The following TMEM164 variants were observed in gnomAD, a reference collection of about 807,000 sequenced individuals.
TMEM164 encodes transmembrane protein 164.
A neutral mutation model predicts 18.8 loss-of-function variants in TMEM164; 4 were observed. The observed-to-expected ratio is 0.21, with a 90% CI of 0.10 to 0.49. The LOEUF (loss-of-function observed/expected upper bound fraction) is 0.49. TMEM164 is among the 20% of genes least tolerant of loss of function. The probability of loss-of-function intolerance (pLI) is 0.98; values close to 1 mark genes in which losing one functional copy is unlikely to be tolerated. For missense variants in TMEM164, 108 were observed against 239.9 expected (o/e 0.45, Z 3.63); for synonymous variants, 86 against 101.7 (o/e 0.85, Z 0.93).
downstream of TMEM164, among the ~76,000 whole-genome samples, chrX:110,178,907 C>T (rs952430598): frequency 8.9e-6 from 1 of 112,337 alleles, no homozygotes; most frequent in Non-Finnish European, 1.9e-5. Flanking sequence ...CTCACATGCT[C>T]TCCACTCTCC....
At chrX:110,147,458 G>C (rs1300804316) in intron 5 of TMEM164, among the ~76,000 whole-genome samples, 1 of 111,573 alleles carries the variant, frequency 9.0e-6, no homozygotes, top group African/African-American at 3.3e-5. Flanking sequence ...ATGGGGCACA[G>C]AGCCTTCCTG....
chrX:110,048,596 G>A (rs777892593), intron 2 of TMEM164, among the ~76,000 whole-genome samples: 2 of 109,790 alleles, frequency 1.8e-5, no homozygotes, highest in South Asian at 7.9e-4. Flanking sequence ...CAGCTGTTTT[G>A]GAATTAGAAC....
At chrX:110,024,513 G>C (rs1258104195) in intron 2 of TMEM164, among the ~76,000 whole-genome samples, 1 of 111,766 alleles carries the variant, frequency 8.9e-6, no homozygotes, top group Non-Finnish European at 1.9e-5. Flanking sequence ...CGAACTTCTA[G>C]CCTCACGTGA....
At position 110,176,161 on chromosome X, in the gene TMEM164, C is replaced by G. The variant is rs1431009063; in HGVS notation, c.*2710C>G. Reference sequence around the variant, plus strand: ...AAGAGGGCAGTTTCCTTTCAAATGGCCTTAGGAAGGGAAAAGAGTACTCCC... The same window carrying G: ...AAGAGGGCAGTTTCCTTTCAAATGGGCTTAGGAAGGGAAAAGAGTACTCCC... On this transcript the variant is annotated 3_prime_UTR_variant, in exon 7 of 7. Transcript: ENST00000372068. The G allele has an allele frequency of 6.6e-6, 5 of 755,020 alleles. No homozygotes were observed. The highest frequency in any genetic ancestry group is 7.8e-6 in the Non-Finnish European group (5 of 639,362). 62.2% of individuals were successfully genotyped at this position (755,020 alleles called of 1,213,427 possible). A position where few individuals can be genotyped will look rare whatever the true frequency, so the allele number is the denominator to read the frequency against.
At chrX:110,085,445 A>G (rs1352854972) in intron 3 of TMEM164, among the ~76,000 whole-genome samples, 1 of 110,346 alleles carries the variant, frequency 9.1e-6, no homozygotes, top group African/African-American at 3.3e-5. Flanking sequence ...GAATAAAGGC[A>G]TGAGCCACCA....
At chrX:110,008,413 G>A (rs970933310) in intron 2 of TMEM164, among the ~76,000 whole-genome samples, 3 of 111,813 alleles carry the variant, frequency 2.7e-5, no homozygotes, top group African/African-American at 9.8e-5. Flanking sequence ...TGGAATTGAA[G>A]TTGGTGGGTA....
chrX:110,039,615 A>G (rs1052554009), intron 2 of TMEM164, among the ~76,000 whole-genome samples: 28 of 111,850 alleles, frequency 2.5e-4, no homozygotes, highest in African/African-American at 9.1e-4. Context: ...TGTGGGAGTG[A>G]GGGCGGGGGA....
chrX:110,086,686 G>GTA (rs1356655492), intron 3 of TMEM164, among the ~76,000 whole-genome samples: 1 of 94,336 alleles, frequency 1.1e-5, no homozygotes, highest in African/African-American at 5.1e-5. Flanking sequence ...GTGTGTGTGT[G>GTA]TGTATATATA....
intron 2 of TMEM164, among the ~76,000 whole-genome samples, chrX:110,031,792 C>T (rs1042605139): frequency 3.6e-5 from 4 of 110,406 alleles, no homozygotes; most frequent in African/African-American, 1.3e-4. Flanking sequence ...CTTTCCCCAC[C>T]TCTAGTAACT....
At chrX:110,111,210 A>C (rs1199745384) in intron 4 of TMEM164, among the ~76,000 whole-genome samples, 1 of 112,478 alleles carries the variant, frequency 8.9e-6, no homozygotes, top group Admixed American at 9.4e-5. Flanking sequence ...GTAGAATCAG[A>C]ACTCCTGACT....
intron 4 of TMEM164, among the ~76,000 whole-genome samples, chrX:110,115,437 G>A (rs1237640673): frequency 1.8e-5 from 2 of 112,085 alleles, no homozygotes; most frequent in Admixed American, 9.4e-5. Flanking sequence ...AGGCCAGTAT[G>A]TTTCTGATCA....
intron 3 of TMEM164, among the ~76,000 whole-genome samples, chrX:110,105,750 TGA>T (rs59866982): frequency 0.051 from 3,667 of 71,893 alleles, 62 homozygotes; most frequent in South Asian, 0.096. Context: ...AGAGAGAGAA[TGA>T]GAGAGAGAGA....
At position 110,091,884 on chromosome X, in the gene TMEM164, C is replaced by T. The variant is rs1191516862; in HGVS notation, c.441-17196C>T. ...TTAATCCATCTTGAATTAATTTTTG[C>T]ATAAGGTGTAAGGAAGGGATCCAAT... On this transcript the variant is annotated intron_variant, in intron 3 of 6. Transcript: ENST00000372068. 4.5e-5 allele frequency among the ~76,000 whole-genome samples: 5 copies of T among 111,875 alleles called. 1 individual carries two copies. Among genetic ancestry groups the T allele is most frequent in the Non-Finnish European group, 1.9e-5 (1 of 53,151 alleles).
At chrX:110,153,460 T>C (rs1227984662) in intron 5 of TMEM164, among the ~76,000 whole-genome samples, 3 of 112,380 alleles carry the variant, frequency 2.7e-5, no homozygotes, top group African/African-American at 9.7e-5. Context: ...CAGTGTCCAC[T>C]AGACTTATGG....
Position 110,036,826 on chromosome X carries a change from C to T in TMEM164, c.391-30521C>T, listed in dbSNP as rs748889528. ...TGGAAATGTTTTATATCTGCACTGT[C>T]TGATATGGTAGTCAGTGGCCACATG... On this transcript the variant is annotated intron_variant, in intron 2 of 6. Transcript: ENST00000372068. Among the ~76,000 whole-genome samples the T allele has an allele frequency of 2.7e-5, 3 of 111,714 alleles. No homozygotes were observed. In the South Asian group the frequency reaches 1.1e-3, roughly 42 times the overall value.
chrX:110,099,758 A>G lies in TMEM164; in HGVS notation c.441-9322A>G, dbSNP rs927119433. Among the ~76,000 whole-genome samples the G allele has an allele frequency of 2.7e-5, 3 of 112,208 alleles. No individual in the cohort carries two copies. In the Admixed American group the frequency reaches 2.8e-4, roughly 11 times the overall value. On this transcript the variant is annotated intron_variant, in intron 3 of 6. Transcript: ENST00000372068. ...TATAAAATATCCTGTTGGGATTTTGATCAGAATTGCTTTGACTCTATAGAT... is the reference window on the plus strand; with the variant it reads ...TATAAAATATCCTGTTGGGATTTTGGTCAGAATTGCTTTGACTCTATAGAT...
intron 5 of TMEM164, among the ~76,000 whole-genome samples, chrX:110,164,828 C>G (rs1284709841): frequency 9.0e-6 from 1 of 111,605 alleles, no homozygotes; most frequent in Non-Finnish European, 1.9e-5. Flanking sequence ...ATTCACTCTA[C>G]CTACATGGGC....
chrX:110,041,218 C>T (rs1321456327), intron 2 of TMEM164, among the ~76,000 whole-genome samples: 1 of 111,841 alleles, frequency 8.9e-6, no homozygotes, highest in Non-Finnish European at 1.9e-5. Flanking sequence ...TCATTAATCT[C>T]CAATAGTCAG....
intron 3 of TMEM164, among the ~76,000 whole-genome samples, chrX:110,085,182 A>T (rs779952785): frequency 9.4e-6 from 1 of 106,255 alleles, no homozygotes; most frequent in Admixed American, 1.0e-4. Flanking sequence ...TGGTAAAGCA[A>T]CAGGGTCTTG....
Sources: gnomAD v4.1 joint callset for allele counts (sites outside exome capture counted in the v4.1 genomes callset) on GRCh38, gnomAD v4.1.1 for gene constraint, MANE v1.5 for transcripts, NCBI Gene and HGNC (gene_info 2026-07-23, HGNC 2026-07-21) for gene names.